CLCNKA: variants seen among roughly 807,000 people sequenced by gnomAD.
The protein encoded by CLCNKA is chloride voltage-gated channel Ka, also known as chloride channel protein ClC-Ka.
In CLCNKA, 66 loss-of-function variants were observed where a neutral mutation model predicts 83.3. The observed-to-expected ratio is 0.79, with a 90% CI of 0.65 to 0.97. CLCNKA has a LOEUF of 0.97. Ranked by LOEUF, CLCNKA falls within the 50% of genes least tolerant of loss-of-function variation. The pLI is 0.00. For missense variants in CLCNKA, 806 were observed against 888.7 expected (o/e 0.91, Z 1.18); for synonymous variants, 357 against 370.4 (o/e 0.96, Z 0.42).
chr1:16,030,355 C>T, intron 14 of CLCNKA, 106 bp from the exon 15 acceptor site: 5 of 1,416,074 alleles, frequency 3.5e-6, no homozygotes, highest in South Asian at 1.2e-5. Flanking sequence ...TGGCCTCTTA[C>T]AATTCCCACC....
chr1:16,033,376 C>G, intron 19 of CLCNKA, 120 bp downstream of exon 19: 1 of 1,205,204 alleles, frequency 8.3e-7, no homozygotes, highest in African/African-American at 1.5e-5. Flanking sequence ...TCAGAGGATA[C>G]TTATGAGTCC....
intron 8 of CLCNKA, 73 bp from the exon 9 acceptor site, chr1:16,027,748 G>C (rs1395814366): frequency 8.6e-6 from 12 of 1,387,524 alleles, no homozygotes; most frequent in Non-Finnish European, 1.2e-5. Flanking sequence ...TCCACCCTGG[G>C]CTGTTAGTCT....
At chr1:16,027,716 C>T (rs1215510223) in intron 8 of CLCNKA, 105 bp from the exon 9 acceptor site, 13 of 1,486,562 alleles carry the variant, frequency 8.7e-6, no homozygotes, top group Non-Finnish European at 1.2e-5. Context: ...ACACAGATTC[C>T]GAGTCAGGAC....
rs1427046050 is a variant in CLCNKA, at chr1:16,028,058, C to T, written c.907C>T (p.Gln303Ter). 1.3e-6 allele frequency: 2 copies of T among 1,592,848 alleles called. No homozygotes were observed. The highest frequency in any genetic ancestry group is 2.2e-5 in the East Asian group (1 of 44,766). Residue 303 changes from glutamine (Q) to a stop codon, truncating the protein, a stop_gained, in exon 10 of 20, where the codon CAG (glutamine) becomes TAG (stop). Coordinates refer to ENST00000331433, the MANE Select transcript of CLCNKA (RefSeq NM_004070.4). LOFTEE classifies it high-confidence loss of function. ...CCTGAGCTGTGCTTACCTCTTCTGT[C>T]AGCGAACCTTCCTCAGCTTCATCAA... ...GVLSCAYLFC[Q>*]RTFLSFIKTN...
In CLCNKA at chr1:16,028,114, T is replaced by C. The variant is rs1426386122; in HGVS notation, c.963T>C (p.Ala321=). 1 of 1,546,194 alleles carries C rather than the reference T, an allele frequency of 6.5e-7. No individual in the cohort carries two copies. The highest frequency in any genetic ancestry group is 8.9e-7 in the Non-Finnish European group (1 of 1,119,014). The change falls in exon 10 of 20, where the codon GCT becomes GCC. Residue 321 remains alanine (A), a synonymous_variant. Transcript: ENST00000331433. ...ATCGGTACAGCTCCAAACTGCTGGC[T>C]ACTAGGTAGGCTCTGGGCTAGGGGC... The part of the protein sequence containing the change: ...KTNRYSSKLL[A]TSKPVYSALA...
At position 16,026,467 on chromosome 1, in the gene CLCNKA, G is replaced by A. The variant is rs2022351125; in HGVS notation, c.499-69G>A. Reference sequence around the variant, plus strand: ...GGAGATGGAGGAGGGGGTGTGGTGGGGAAGCCGTGCTGCCTCGGGGTGAGA... The same window carrying A: ...GGAGATGGAGGAGGGGGTGTGGTGGAGAAGCCGTGCTGCCTCGGGGTGAGA... On this transcript the variant is annotated intron_variant, in intron 5 of 19. Coordinates refer to ENST00000331433, the MANE Select transcript of CLCNKA (RefSeq NM_004070.4). 5.0e-6 allele frequency: 8 copies of A among 1,599,336 alleles called. 1 individual carries two copies. The South Asian group carries it at 8.8e-5, about 18-fold the overall frequency.
In CLCNKA at chr1:16,022,688, C is replaced by A. The variant is rs146306976; in HGVS notation, c.69C>A (p.Gly23=). The stretch of plus-strand genomic sequence containing the variant: ...CTGTGACTCTGCAGGAGCTGTGGGG[C>A]CCCTGTCCCCACATCCGCCGAGCCA... ...GDPVTLQELW[G]PCPHIRRAIQ... is the part of the protein sequence containing the mutation. The change falls in exon 2 of 20, where the codon GGC becomes GGA. Residue 23 remains glycine (G), a synonymous_variant. Transcript: ENST00000331433. 1.9e-6 allele frequency: 3 copies of A among 1,551,886 alleles called. No individual in the cohort carries two copies. The highest frequency in any genetic ancestry group is 2.0e-5 in the Admixed American group (1 of 51,156).
intron 3 of CLCNKA, 51 bp downstream of exon 3, chr1:16,023,979 C>A (rs770441325): frequency 1.9e-6 from 3 of 1,610,348 alleles, no homozygotes; most frequent in Non-Finnish European, 2.5e-6. Flanking sequence ...TCTAGGCACG[C>A]TCTGGGGATA....
Position 16,028,820 on chromosome 1 carries a change from G to C in CLCNKA, c.1028G>C (p.Gly343Ala), listed in dbSNP as rs752478219. 6.2e-7 allele frequency: 1 copy of C among 1,613,754 alleles called. No homozygotes were observed. Among genetic ancestry groups the C allele is most frequent in the Non-Finnish European group, 8.5e-7 (1 of 1,180,028 alleles). The change falls in exon 11 of 20, where the codon GGT becomes GCT. Residue 343 changes from glycine (G) to alanine (A), a missense_variant. Physicochemically the swap from Gly to Ala is moderately conservative, Grantham distance 60 (BLOSUM62 0). Coordinates refer to ENST00000331433, the MANE Select transcript of CLCNKA (RefSeq NM_004070.4). ...CTCGCCTCCATCACCTACCCGCCTG[G>C]TGTGGGCCACTTCCTAGCTTCTCGG... The part of the protein sequence containing the change: ...LLLASITYPP[G>A]VGHFLASRLS...
In CLCNKA at chr1:16,024,899, C is replaced by T; in HGVS notation, c.358+8C>T. Reference sequence around the variant, plus strand: ...TCACGCCCTCCTCTGGAGGTGAGTCCACGGTCGCCATGCCAGTCCCCAGTG... The same window carrying T: ...TCACGCCCTCCTCTGGAGGTGAGTCTACGGTCGCCATGCCAGTCCCCAGTG... On this transcript the variant is annotated splice_region_variant and intron_variant, in intron 4 of 19. Transcript: ENST00000331433. 2 of 1,614,060 alleles carry T rather than the reference C, an allele frequency of 1.2e-6. No individual in the cohort carries two copies. Among genetic ancestry groups the T allele is most frequent in the Non-Finnish European group, 1.7e-6 (2 of 1,180,010 alleles).
chr1:16,022,662 C>T lies in CLCNKA; in HGVS notation c.43C>T (p.Pro15Ser), dbSNP rs762639270. The T allele has an allele frequency of 6.4e-7, 1 of 1,568,138 alleles. No homozygotes were observed. The change falls in exon 2 of 20, where the codon CCT (proline) becomes TCT (serine). Residue 15 changes from proline to serine, a missense_variant. Physicochemically the swap from Pro to Ser is moderately conservative, Grantham distance 74 (BLOSUM62 -1). Transcript: ENST00000331433. ...VGLREGFSGD[P>S]VTLQELWGPC... ...GCTGCGTGAGGGCTTCTCAGGGGAC[C>T]CTGTGACTCTGCAGGAGCTGTGGGG...
At chr1:16,029,451 G>A (rs2022522280) in intron 12 of CLCNKA, 152 bp downstream of exon 12, 5 of 1,240,612 alleles carry the variant, frequency 4.0e-6, no homozygotes, top group Non-Finnish European at 3.4e-6. Context: ...TCCTGGATAA[G>A]TGGCTTCAGG....
Position 16,028,098 on chromosome 1 carries a change from G to T in CLCNKA, c.947G>T (p.Ser316Ile). 6.4e-7 allele frequency: 1 copy of T among 1,564,854 alleles called. No homozygotes were observed. Among genetic ancestry groups the T allele is most frequent in the Non-Finnish European group, 8.8e-7 (1 of 1,136,086 alleles). The change falls in exon 10 of 20, where the codon AGC (serine) becomes ATC (isoleucine). Residue 316 changes from serine to isoleucine, a missense_variant. Physicochemically the swap from Ser to Ile is moderately radical, Grantham distance 142 (BLOSUM62 -2). Transcript: ENST00000331433. The part of the protein sequence containing the change: ...FLSFIKTNRY[S>I]SKLLATSKPV... ...AGCTTCATCAAGACCAATCGGTACA[G>T]CTCCAAACTGCTGGCTACTAGGTAG...
At chr1:16,024,025 G>A (rs1483039464) in intron 3 of CLCNKA, 97 bp downstream of exon 3, 2 of 1,482,030 alleles carry the variant, frequency 1.3e-6, no homozygotes, top group African/African-American at 1.4e-5. Flanking sequence ...TGCAGGGACG[G>A]ACCTGGGTGC....
At chr1:16,032,610 C>A in intron 18 of CLCNKA, 84 bp downstream of exon 18, 1 of 1,040,612 alleles carries the variant, frequency 9.6e-7, no homozygotes. Flanking sequence ...AGCCTCCCGT[C>A]CCAACCCCGC....
chr1:16,033,308 C>CTGGGGAGA, intron 19 of CLCNKA, 52 bp downstream of exon 19: 1 of 1,586,300 alleles, frequency 6.3e-7, no homozygotes, highest in African/African-American at 1.3e-5. Context: ...CCTGAGAAGG[C>CTGGGGAGA]TGGGGAGATG....
In CLCNKA at chr1:16,026,614, G is replaced by A. The variant is rs2022360979; in HGVS notation, c.576+1G>A. 1.2e-6 allele frequency: 2 copies of A among 1,614,048 alleles called. No individual in the cohort carries two copies. Among genetic ancestry groups the A allele is most frequent in the Non-Finnish European group, 8.5e-7 (1 of 1,180,032 alleles). ...CACCACGACCATCGGGGAGCCTGAG[G>A]TTAGGGACTCGGGGGCTTCCTTGGA... On this transcript the variant is annotated splice_donor_variant, in intron 6 of 19. Coordinates refer to ENST00000331433, the MANE Select transcript of CLCNKA (RefSeq NM_004070.4). LOFTEE classifies it high-confidence loss of function.
At chr1:16,023,128 C>G (rs781586650) in intron 2 of CLCNKA, among the ~76,000 whole-genome samples, 1 of 152,232 alleles carries the variant, frequency 6.6e-6, no homozygotes, top group Non-Finnish European at 1.5e-5. Context: ...CTGACTGTCC[C>G]CTCAGCTACG....
In CLCNKA at chr1:16,029,996, T is replaced by G; in HGVS notation, c.1329T>G (p.Ala443=). The change falls in exon 14 of 20, where the codon GCT becomes GCG. Residue 443 remains alanine (A), a synonymous_variant. Coordinates refer to ENST00000331433, the MANE Select transcript of CLCNKA (RefSeq NM_004070.4). ...CCATCGGGCGCCTCTTGGGAGAGGCTCTTGCCGTCGCCTTCCCTGAGGGCA... is the reference window on the plus strand; with the variant it reads ...CCATCGGGCGCCTCTTGGGAGAGGCGCTTGCCGTCGCCTTCCCTGAGGGCA... ...GAAIGRLLGE[A]LAVAFPEGIV... 2 of 1,611,396 alleles carry G rather than the reference T, an allele frequency of 1.2e-6. No individual in the cohort carries two copies. Among genetic ancestry groups the G allele is most frequent in the African/African-American group, 2.7e-5 (2 of 75,014 alleles).
Sources: gnomAD v4.1 joint callset for allele counts (sites outside exome capture counted in the v4.1 genomes callset) on GRCh38, gnomAD v4.1.1 for gene constraint, MANE v1.5 for transcripts, NCBI Gene and HGNC (gene_info 2026-07-23, HGNC 2026-07-21) for gene names.